Variants in SPIDR observed in about 807,000 individuals in gnomAD.
SPIDR encodes the protein DNA repair-scaffolding protein.
A neutral mutation model predicts 104.6 loss-of-function variants in SPIDR; 93 were observed. The ratio of observed to expected loss-of-function variants is 0.89; its 90% CI spans 0.75 to 1.06. The LOEUF is 1.06. Among genes scored for constraint, SPIDR ranks in the 50% least tolerant of loss-of-function variants. The probability of loss-of-function intolerance (pLI) is 0.00; values close to 1 mark genes in which losing one functional copy is unlikely to be tolerated. For synonymous variants in SPIDR, 431 were observed against 416.9 expected (o/e 1.03, Z -0.41); for missense variants, 1,154 against 1,111.2 (o/e 1.04, Z -0.55).
intron 5 of SPIDR, among the ~76,000 whole-genome samples, chr8:47,331,574 A>G (rs1457357078): frequency 1.3e-5 from 2 of 152,214 alleles, no homozygotes; most frequent in African/African-American, 2.4e-5. Flanking sequence ...TAGAACTGAA[A>G]GGTGCTCTGG....
At chr8:47,581,625 A>G (rs1188656957) in intron 8 of SPIDR, among the ~76,000 whole-genome samples, 1 of 152,170 alleles carries the variant, frequency 6.6e-6, no homozygotes, top group Non-Finnish European at 1.5e-5. Context: ...CCAGAGTTGA[A>G]ACTGAATTGT....
chr8:47,437,504 T>G (rs2154342161), intron 7 of SPIDR, among the ~76,000 whole-genome samples: 1 of 152,184 alleles, frequency 6.6e-6, no homozygotes, highest in East Asian at 1.9e-4. Context: ...TGTTGGACAT[T>G]TGGGTTGGTT....
intron 5 of SPIDR, among the ~76,000 whole-genome samples, chr8:47,324,924 T>C (rs1490422751): frequency 6.6e-6 from 1 of 152,164 alleles, no homozygotes; most frequent in Non-Finnish European, 1.5e-5. Context: ...GAGGCCTCTC[T>C]CTGTGGCTTG....
intron 8 of SPIDR, among the ~76,000 whole-genome samples, chr8:47,466,763 A>G (rs1330125280): frequency 6.6e-6 from 1 of 150,990 alleles, no homozygotes; most frequent in African/African-American, 2.5e-5. Context: ...TAAAAGAACT[A>G]GAAAACCAAA....
At chr8:47,566,624 G>A (rs897971544) in intron 8 of SPIDR, among the ~76,000 whole-genome samples, 4 of 151,090 alleles carry the variant, frequency 2.6e-5, no homozygotes, top group Non-Finnish European at 2.9e-5. Context: ...AAGGAGCCTC[G>A]CTCTGTCGCA....
At chr8:47,718,489 C>T (rs1262386749) in intron 16 of SPIDR, among the ~76,000 whole-genome samples, 1 of 151,384 alleles carries the variant, frequency 6.6e-6, no homozygotes, top group African/African-American at 2.4e-5. Flanking sequence ...TATGCTTAAA[C>T]TACTTATCTT....
At chr8:47,564,605 G>A (rs553296777) in intron 8 of SPIDR, among the ~76,000 whole-genome samples, 12 of 151,566 alleles carry the variant, frequency 7.9e-5, no homozygotes, top group Non-Finnish European at 7.4e-5. Context: ...TCTTGAACTC[G>A]GGAGGCAGAA....
At chr8:47,393,017 A>T (rs905284757) in intron 5 of SPIDR, among the ~76,000 whole-genome samples, 1 of 152,104 alleles carries the variant, frequency 6.6e-6, no homozygotes, top group Admixed American at 6.5e-5. Context: ...TTCCTTTCAC[A>T]TAATTTTCCA....
chr8:47,433,482 C>T (rs531239670), intron 7 of SPIDR, among the ~76,000 whole-genome samples: 619 of 1,302 alleles, frequency 0.48, 5 homozygotes, highest in African/African-American at 0.5. Context: ...TCCAGCCGAC[C>T]ACATTTAGTC....
In SPIDR at chr8:47,659,647, C is replaced by A. The variant is rs530979372; in HGVS notation, c.1545-14154C>A. ...CCACCCCGCCCCGCCCTCGCTCTGG[C>A]CCTTCTCGCCCCCGCCTTTTCTCAG... On this transcript the variant is annotated intron_variant, in intron 10 of 19. Transcript: ENST00000297423. The A allele has an allele frequency of 3.3e-4, 221 of 671,248 alleles. 1 individual carries two copies. In the African/African-American group the frequency reaches 3.5e-3, roughly 10 times the overall value. 41.6% of individuals were successfully genotyped at this position (671,248 alleles called of 1,614,324 possible). A position where few individuals can be genotyped will look rare whatever the true frequency, so the allele number is the denominator to read the frequency against.
intron 5 of SPIDR, among the ~76,000 whole-genome samples, chr8:47,387,209 G>A (rs2060056558): frequency 6.6e-6 from 1 of 152,208 alleles, no homozygotes; most frequent in African/African-American, 2.4e-5. Flanking sequence ...CAGAAGCGCT[G>A]GGGAGCAGCG....
chr8:47,297,701 T>A (rs970966054), intron 5 of SPIDR, among the ~76,000 whole-genome samples: 1 of 151,956 alleles, frequency 6.6e-6, no homozygotes, highest in Non-Finnish European at 1.5e-5. Context: ...AGTGAGAACA[T>A]GCGCTGTTTG....
chr8:47,603,595 A>T (rs1588281036), intron 10 of SPIDR, among the ~76,000 whole-genome samples: 1 of 143,622 alleles, frequency 7.0e-6, no homozygotes, highest in Non-Finnish European at 1.5e-5. Context: ...ATAGGGTCTC[A>T]CTCTGTTGCC....
chr8:47,499,845 A>G (rs772415747), intron 8 of SPIDR, among the ~76,000 whole-genome samples: 2 of 146,826 alleles, frequency 1.4e-5, no homozygotes, highest in Non-Finnish European at 3.0e-5. Flanking sequence ...TCCTGTGTCC[A>G]TGTGTTCTCA....
intron 5 of SPIDR, among the ~76,000 whole-genome samples, chr8:47,394,617 A>G (rs1364053460): frequency 1.3e-5 from 2 of 152,224 alleles, no homozygotes; most frequent in Non-Finnish European, 2.9e-5. Context: ...GTCCAGTCCC[A>G]AATGTCAAGA....
intron 14 of SPIDR, among the ~76,000 whole-genome samples, chr8:47,702,711 C>A (rs1452140636): frequency 1.3e-5 from 2 of 152,226 alleles, no homozygotes; most frequent in Non-Finnish European, 2.9e-5. Flanking sequence ...TGAGAACATC[C>A]TGTTTGTTAA....
At chr8:47,648,209 T>C (rs995367370) in intron 10 of SPIDR, among the ~76,000 whole-genome samples, 7 of 152,116 alleles carry the variant, frequency 4.6e-5, no homozygotes, top group African/African-American at 1.7e-4. Context: ...AACTTAGCAC[T>C]CTGAATGATT....
At chr8:47,451,605 C>G (rs1158529059) in intron 8 of SPIDR, among the ~76,000 whole-genome samples, 5 of 151,830 alleles carry the variant, frequency 3.3e-5, no homozygotes, top group African/African-American at 9.7e-5. Flanking sequence ...CACACACACA[C>G]ACACTAGAAA....
rs1316892056 is a variant in SPIDR, at chr8:47,735,861, C to T, written c.*411C>T. Reference sequence around the variant, plus strand: ...AAAGAATACCCTGCAAAGTGTAAACCTTTGTCCCATACTGTGATATTACTG... The same window carrying T: ...AAAGAATACCCTGCAAAGTGTAAACTTTTGTCCCATACTGTGATATTACTG... On this transcript the variant is annotated 3_prime_UTR_variant, in exon 20 of 20. Coordinates refer to ENST00000297423, the MANE Select transcript of SPIDR (RefSeq NM_001080394.4). 2 of 336,332 alleles carry T rather than the reference C, an allele frequency of 5.9e-6. No individual in the cohort carries two copies. The highest frequency in any genetic ancestry group is 1.1e-5 in the Non-Finnish European group (2 of 178,946). 20.8% of individuals were successfully genotyped at this position (336,332 alleles called of 1,614,324 possible). A position where few individuals can be genotyped will look rare whatever the true frequency, so the allele number is the denominator to read the frequency against.
Sources: gnomAD v4.1 joint callset for allele counts (sites outside exome capture counted in the v4.1 genomes callset) on GRCh38, gnomAD v4.1.1 for gene constraint, MANE v1.5 for transcripts, NCBI Gene and HGNC (gene_info 2026-07-23, HGNC 2026-07-21) for gene names.